CD55: variants seen among roughly 807,000 people sequenced by gnomAD.
The protein encoded by CD55 is complement decay-accelerating factor.
A neutral mutation model predicts 45.8 loss-of-function variants in CD55; 41 were observed. That is an observed-to-expected ratio of 0.90 (90% confidence interval 0.70 to 1.16). The LOEUF is 1.16. Among genes scored for constraint, CD55 ranks in the 50% most tolerant of loss-of-function variants. The pLI, the probability that CD55 is intolerant of heterozygous loss-of-function variation, is 0.00. For synonymous variants in CD55, 181 were observed against 181.1 expected (o/e 1.00, Z 0.01); for missense variants, 416 against 469.8 (o/e 0.89, Z 1.06).
intron 9 of CD55, among the ~76,000 whole-genome samples, chr1:207,356,519 G>GA (rs950007066): frequency 6.3e-4 from 96 of 152,154 alleles, no homozygotes; most frequent in African/African-American, 2.2e-3. Context: ...AGAAATCTAG[G>GA]AAAAATCAAC....
intron 2 of CD55, among the ~76,000 whole-genome samples, 160 bp from the exon 3 acceptor site, chr1:207,324,399 G>A (rs958537847): frequency 1.3e-5 from 2 of 151,964 alleles, no homozygotes; most frequent in African/African-American, 4.8e-5. Context: ...GAATACATTT[G>A]CTACATTGCA....
intron 9 of CD55, among the ~76,000 whole-genome samples, chr1:207,343,726 T>A (rs1024631261): frequency 1.3e-5 from 2 of 152,228 alleles, no homozygotes; most frequent in African/African-American, 4.8e-5. Flanking sequence ...TCTTTGTGAA[T>A]TTTTTGTCCA....
At chr1:207,331,960 C>G (rs1015725808) in intron 6 of CD55, among the ~76,000 whole-genome samples, 4 of 152,044 alleles carry the variant, frequency 2.6e-5, no homozygotes, top group Non-Finnish European at 5.9e-5. Flanking sequence ...CAACATGACT[C>G]AAGCATTTGA....
At position 207,324,589 on chromosome 1, in the gene CD55, C is replaced by T. The variant is rs1476404773; in HGVS notation, c.317C>T (p.Ser106Phe). 1 of 1,589,904 alleles carries T rather than the reference C, an allele frequency of 6.3e-7. No homozygotes were observed. Among genetic ancestry groups the T allele is most frequent in the African/African-American group, 1.3e-5 (1 of 74,098 alleles). Residue 106 changes from serine (S) to phenylalanine (F), a missense_variant, in exon 3 of 10, where the codon TCT becomes TTT. By Grantham distance (155) the Ser-to-Phe change is radical. Coordinates refer to ENST00000367064, the MANE Select transcript of CD55 (RefSeq NM_000574.5). ...TGCGAGGTGCCAACAAGGCTAAATTCTGCATCCCTCAAACAGCCTTATATC... is the reference window on the plus strand; with the variant it reads ...TGCGAGGTGCCAACAAGGCTAAATTTTGCATCCCTCAAACAGCCTTATATC... Reference protein sequence around the residue: ...RSCEVPTRLNSASLKQPYITQ... With the variant: ...RSCEVPTRLNFASLKQPYITQ...
chr1:207,334,648 TAATA>T lies in CD55; in HGVS notation c.854-2040_854-2037del, dbSNP rs545767574. 2.0e-3 allele frequency among the ~76,000 whole-genome samples: 302 copies of T among 152,270 alleles called. 2 individuals are homozygous for T. The highest frequency in any genetic ancestry group is 6.9e-3 in the African/African-American group (286 of 41,572). ...TAGTTTGCATAATTGACTTATAGTCTAATAAATATTGTGATCTCTAGGGTTGCTA... is the reference window on the plus strand; with the variant it reads ...TAGTTTGCATAATTGACTTATAGTCTAATATTGTGATCTCTAGGGTTGCTA... On this transcript the variant is annotated intron_variant, in intron 6 of 9. Transcript: ENST00000367064.
At chr1:207,329,249 C>A (rs1200969397) in intron 5 of CD55, among the ~76,000 whole-genome samples, 2 of 152,190 alleles carry the variant, frequency 1.3e-5, no homozygotes, top group Non-Finnish European at 2.9e-5. Context: ...ATCCCACCAA[C>A]AGGGGAGAAA....
intron 1 of CD55, chr1:207,322,181 A>G: frequency 1.4e-6 from 1 of 709,412 alleles, no homozygotes; most frequent in Non-Finnish European, 2.6e-6. Context: ...ACCCCCAAAA[A>G]GCTGGTCTAA....
intron 9 of CD55, among the ~76,000 whole-genome samples, chr1:207,339,630 C>T (rs1166436546): frequency 1.3e-5 from 2 of 152,126 alleles, no homozygotes; most frequent in African/African-American, 4.8e-5. Context: ...CAGCAATTTT[C>T]AACTCATGGA....
At chr1:207,330,246 A>C (rs1654882252) in intron 5 of CD55, among the ~76,000 whole-genome samples, 1 of 152,070 alleles carries the variant, frequency 6.6e-6, no homozygotes. Context: ...GTGATTGATA[A>C]ATGTGCTAAG....
In CD55 at chr1:207,331,183, A is replaced by C. The variant is rs774205747; in HGVS notation, c.740A>C (p.Gln247Pro). The change falls in exon 6 of 10, where the codon CAG (glutamine) becomes CCG (proline). Residue 247 changes from glutamine (Q) to proline (P), a missense_variant. Transcript: ENST00000367064. The part of the protein sequence containing the change: ...QGERDHYGYR[Q>P]SVTYACNKGF... ...GAACGTGACCATTATGGATATAGACAGTCTGTAACGTATGCATGTAATAAA... is the reference window on the plus strand; with the variant it reads ...GAACGTGACCATTATGGATATAGACCGTCTGTAACGTATGCATGTAATAAA... 4.3e-6 allele frequency: 7 copies of C among 1,613,234 alleles called. No homozygotes were observed. The highest frequency in any genetic ancestry group is 5.9e-6 in the Non-Finnish European group (7 of 1,179,178).
chr1:207,337,404 C>G lies in CD55; in HGVS notation c.1055C>G (p.Thr352Ser), dbSNP rs1343150059. ...ETTPNKGSGT[T>S]SGTTRLLSGH... Reference sequence around the variant, plus strand: ...ACCCCAAATAAAGGAAGTGGAACCACTTCAGGTCAGTTGACACTGTTCAGG... The same window carrying G: ...ACCCCAAATAAAGGAAGTGGAACCAGTTCAGGTCAGTTGACACTGTTCAGG... Residue 352 changes from threonine to serine, a missense_variant, in exon 8 of 10, where the codon ACT (threonine) becomes AGT (serine). By Grantham distance (58) the Thr-to-Ser change is moderately conservative. Transcript: ENST00000367064. 6.3e-7 allele frequency: 1 copy of G among 1,583,476 alleles called. No individual in the cohort carries two copies. The highest frequency in any genetic ancestry group is 1.7e-5 in the Admixed American group (1 of 59,948).
At chr1:207,353,858 C>G (rs934777789) in intron 9 of CD55, 25 of 603,178 alleles carry the variant, frequency 4.1e-5, no homozygotes, top group Non-Finnish European at 6.0e-5. Flanking sequence ...TACTGTTTTT[C>G]AAATCATCTA....
chr1:207,327,860 A>G (rs542684624), intron 5 of CD55, among the ~76,000 whole-genome samples: 1 of 152,228 alleles, frequency 6.6e-6, no homozygotes, highest in African/African-American at 2.4e-5. Context: ...ATGTCATACT[A>G]CTACCTTTTT....
chr1:207,351,590 AT>A (rs1655871321), intron 9 of CD55, among the ~76,000 whole-genome samples: 1 of 152,150 alleles, frequency 6.6e-6, no homozygotes, highest in South Asian at 2.1e-4. Context: ...TATTGTGGTT[AT>A]TTTATATTTT....
Position 207,359,584 on chromosome 1 carries a change from C to G in CD55, c.1120C>G (p.Leu374Val), listed in dbSNP as rs777467341. ...CACGTTGACAGGTTTGCTTGGGACG[C>G]TAGTAACCATGGGCTTGCTGACTTA... ...CFTLTGLLGTLVTMGLLT is the reference protein window; with the variant it reads ...CFTLTGLLGTVVTMGLLT The change falls in exon 10 of 10, where the codon CTA becomes GTA. Residue 374 changes from leucine to valine, a missense_variant. Physicochemically the swap from Leu to Val is conservative, Grantham distance 32. Coordinates refer to ENST00000367064, the MANE Select transcript of CD55 (RefSeq NM_000574.5). 46 of 1,586,444 alleles carry G rather than the reference C, an allele frequency of 2.9e-5. 1 individual carries two copies. The highest frequency in any genetic ancestry group is 2.7e-4 in the Admixed American group (15 of 55,704).
chr1:207,323,843 C>G (rs138213271), intron 2 of CD55, among the ~76,000 whole-genome samples: 2 of 152,144 alleles, frequency 1.3e-5, no homozygotes, highest in Admixed American at 1.3e-4. Context: ...TAAGTTGGGG[C>G]TCTTACACTC....
At chr1:207,346,528 T>C (rs573044404) in intron 9 of CD55, among the ~76,000 whole-genome samples, 9 of 152,070 alleles carry the variant, frequency 5.9e-5, no homozygotes, top group Non-Finnish European at 1.3e-4. Context: ...TTGTTTTCAG[T>C]TGGGAGCAGC....
Position 207,325,701 on chromosome 1 carries a change from C to T in CD55, c.558C>T (p.Ile186=). 1 of 1,605,960 alleles carries T rather than the reference C, an allele frequency of 6.2e-7. No individual in the cohort carries two copies. The highest frequency in any genetic ancestry group is 1.3e-5 in the African/African-American group (1 of 74,836). The stretch of plus-strand genomic sequence containing the variant: ...GTGGCATATTATTTGGTGCAACCAT[C>T]TCCTTCTCATGTAACACAGGGTAAG... ...VPGGILFGAT[I]SFSCNTGYKL... The change falls in exon 4 of 10, where the codon ATC becomes ATT. Residue 186 remains isoleucine, a synonymous_variant. Coordinates refer to ENST00000367064, the MANE Select transcript of CD55 (RefSeq NM_000574.5).
chr1:207,353,866 C>A, intron 9 of CD55: 1 of 620,336 alleles, frequency 1.6e-6, no homozygotes, highest in South Asian at 2.8e-5. Context: ...TTCAAATCAT[C>A]TACGAAAATC....
Sources: gnomAD v4.1 joint callset for allele counts (sites outside exome capture counted in the v4.1 genomes callset) on GRCh38, gnomAD v4.1.1 for gene constraint, MANE v1.5 for transcripts, NCBI Gene and HGNC (gene_info 2026-07-23, HGNC 2026-07-21) for gene names.